The following HMCN1 variants were observed in gnomAD, a reference collection of about 807,000 sequenced individuals.
The protein encoded by HMCN1 is hemicentin 1.
Under a neutral mutation model 625.9 loss-of-function variants are expected in HMCN1, and 321 were observed. The observed-to-expected ratio is 0.51, with a 90% CI of 0.47 to 0.56. The LOEUF (loss-of-function observed/expected upper bound fraction) is 0.56. Ranked by LOEUF, HMCN1 falls within the 20% of genes least tolerant of loss-of-function variation. The pLI, the probability that HMCN1 is intolerant of heterozygous loss-of-function variation, is 0.00. For missense variants in HMCN1, 6,588 were observed against 6,887.3 expected (o/e 0.96, Z 1.54); for synonymous variants, 2,425 against 2,417.6 (o/e 1.00, Z -0.09).
Position 185,995,045 on chromosome 1 carries a change from A to G in HMCN1, c.3736A>G (p.Ile1246Val). 1 of 1,613,606 alleles carries G rather than the reference A, an allele frequency of 6.2e-7. No individual in the cohort carries two copies. Among genetic ancestry groups the G allele is most frequent in the Non-Finnish European group, 8.5e-7 (1 of 1,179,592 alleles). Residue 1246 changes from isoleucine (I) to valine (V), a missense_variant, in exon 24 of 107, where the codon ATA (isoleucine) becomes GTA (valine). By Grantham distance (29) the Ile-to-Val change is conservative. Around this residue, in one of 3 missense-constraint regions of HMCN1, gnomAD observed 4,628 missense variants for 4,853.1 expected, o/e 0.95. Transcript: ENST00000271588. ...CATATATACATGTGTTGCTACTAAC[A>G]TAGCAGGCACTGATGAAACAGAGAT... is the stretch of plus-strand genomic sequence containing the variant. The part of the protein sequence containing the change: ...AGIYTCVATN[I>V]AGTDETEITL...
At chr1:185,843,997 T>C (rs1366102674) in intron 1 of HMCN1, among the ~76,000 whole-genome samples, 1 of 152,228 alleles carries the variant, frequency 6.6e-6, no homozygotes, top group Non-Finnish European at 1.5e-5. Flanking sequence ...ACACTCTTTA[T>C]TATGATATAA....
chr1:185,896,409 A>G (rs1177003749), intron 4 of HMCN1, among the ~76,000 whole-genome samples: 1 of 125,648 alleles, frequency 8.0e-6, no homozygotes, highest in African/African-American at 4.4e-5. Context: ...AAGAACACAC[A>G]AAAACTCACG....
intron 100 of HMCN1, among the ~76,000 whole-genome samples, chr1:186,168,608 A>T (rs1183282962): frequency 8.5e-5 from 13 of 152,150 alleles, no homozygotes; most frequent in Admixed American, 8.5e-4. Flanking sequence ...GAAGAGCCCA[A>T]CTATGGTGAT....
Position 186,128,213 on chromosome 1 carries a change from C to G in HMCN1, c.12826C>G (p.Gln4276Glu). Reference sequence around the variant, plus strand: ...AGACGTGTCATTAAATAAAGGAGAACAGCTACGATTAAGCTGTAAAGCTAC... The same window carrying G: ...AGACGTGTCATTAAATAAAGGAGAAGAGCTACGATTAAGCTGTAAAGCTAC... ...PGDVSLNKGE[Q>E]LRLSCKATGI... is the part of the protein sequence containing the mutation. The change falls in exon 83 of 107, where the codon CAG becomes GAG. Residue 4276 changes from glutamine (Q) to glutamate (E), a missense_variant. This residue lies in a region of HMCN1 where 1,954 missense variants were observed against 2,013.1 expected (regional missense o/e 0.97). Coordinates refer to ENST00000271588, the MANE Select transcript of HMCN1 (RefSeq NM_031935.3). The G allele has an allele frequency of 6.2e-7, 1 of 1,613,640 alleles. No homozygotes were observed. The highest frequency in any genetic ancestry group is 8.5e-7 in the Non-Finnish European group (1 of 1,179,724).
chr1:186,070,107 G>A (rs1278265717), intron 51 of HMCN1, among the ~76,000 whole-genome samples: 3 of 152,206 alleles, frequency 2.0e-5, no homozygotes, highest in African/African-American at 7.2e-5. Context: ...AGATGCATAT[G>A]TTCTAATCAA....
chr1:185,872,150 A>G lies in HMCN1; in HGVS notation c.621+6287A>G, dbSNP rs554491153. ...TTCACCTGTGGAAAATGGAATGGAG[A>G]TGTTCAGAGCCGATTCCTTAAAATA... On this transcript the variant is annotated intron_variant, in intron 4 of 106. Coordinates refer to ENST00000271588, the MANE Select transcript of HMCN1 (RefSeq NM_031935.3). Among the ~76,000 whole-genome samples, 25 of 152,326 alleles carry G rather than the reference A, an allele frequency of 1.6e-4. No homozygotes were observed. In the South Asian group the frequency reaches 5.2e-3, roughly 32 times the overall value.
chr1:186,108,726 G>C, intron 71 of HMCN1, 129 bp downstream of exon 71: 1 of 1,081,298 alleles, frequency 9.2e-7, no homozygotes, highest in Non-Finnish European at 1.4e-6. Context: ...CATTGCAGCA[G>C]TAAGCACAGG....
rs541252323 is a variant in HMCN1, at chr1:185,860,036, TAGAG to T, written c.340-4431_340-4428del. ...TAGAAAACCGAACTGAAATATCAGA[TAGAG>T]AGCTTTTATAACAAGATAATACTGT... On this transcript the variant is annotated intron_variant, in intron 2 of 106. Coordinates refer to ENST00000271588, the MANE Select transcript of HMCN1 (RefSeq NM_031935.3). Among the ~76,000 whole-genome samples, 9 of 152,272 alleles carry T rather than the reference TAGAG, an allele frequency of 5.9e-5. No individual in the cohort carries two copies. The South Asian group carries it at 1.9e-3, about 32-fold the overall frequency.
In HMCN1 at chr1:186,117,420, G is replaced by C. The variant is rs551978011; in HGVS notation, c.11684-39G>C. The C allele has an allele frequency of 5.0e-6, 8 of 1,601,828 alleles. No individual in the cohort carries two copies. The South Asian group carries it at 7.7e-5, about 15-fold the overall frequency. Reference sequence around the variant, plus strand: ...TTGGAAATCTTTAAGGGCTGGAAATGTGTAGTTTTTTCCCTTTTTGTTGTT... The same window carrying C: ...TTGGAAATCTTTAAGGGCTGGAAATCTGTAGTTTTTTCCCTTTTTGTTGTT... On this transcript the variant is annotated intron_variant, in intron 76 of 106. Coordinates refer to ENST00000271588, the MANE Select transcript of HMCN1 (RefSeq NM_031935.3).
At chr1:185,903,282 C>A (rs1665917432) in intron 4 of HMCN1, among the ~76,000 whole-genome samples, 1 of 151,694 alleles carries the variant, frequency 6.6e-6, no homozygotes, top group Non-Finnish European at 1.5e-5. Context: ...GGAAGTTTTA[C>A]ATGAGTATTG....
In HMCN1 at chr1:185,891,502, C is replaced by G. The variant is rs989738353; in HGVS notation, c.622-17835C>G. On this transcript the variant is annotated intron_variant, in intron 4 of 106. Coordinates refer to ENST00000271588, the MANE Select transcript of HMCN1 (RefSeq NM_031935.3). ...CCTTCAGGAGCTCTTTTAGGGCAGG[C>G]CTGGTCGTGACAAAATCTCTCAGCA... Among the ~76,000 whole-genome samples, 314 of 147,402 alleles carry G rather than the reference C, an allele frequency of 2.1e-3. 20 individuals carry two copies. The highest frequency in any genetic ancestry group is 4.8e-3 in the African/African-American group (178 of 37,026).
At chr1:185,999,965 T>A in intron 25 of HMCN1, 80 bp from the exon 26 acceptor site, 1 of 1,000,156 alleles carries the variant, frequency 1.0e-6, no homozygotes. Flanking sequence ...ACAAAAACTT[T>A]ATTTCTCTTT....
Position 185,789,249 on chromosome 1 carries a change from A to G in HMCN1, c.268+54202A>G, listed in dbSNP as rs182643910. On this transcript the variant is annotated intron_variant, in intron 1 of 106. Coordinates refer to ENST00000271588, the MANE Select transcript of HMCN1 (RefSeq NM_031935.3). ...GGATTTTCTGTTAAGAGAAGGAACA[A>G]GGATGGAAGGGAGGTGGTGTGAGGA... 4.6e-5 allele frequency among the ~76,000 whole-genome samples: 7 copies of G among 152,258 alleles called. No homozygotes were observed. The East Asian group carries it at 1.4e-3, about 29-fold the overall frequency.
At chr1:185,738,709 T>C (rs778232855) in intron 1 of HMCN1, among the ~76,000 whole-genome samples, 9 of 152,210 alleles carry the variant, frequency 5.9e-5, no homozygotes, top group Non-Finnish European at 1.2e-4. Flanking sequence ...CTTTCCAACC[T>C]CCTCAATACA....
At chr1:186,074,992 C>T in intron 53 of HMCN1, 101 bp downstream of exon 53, 1 of 966,378 alleles carries the variant, frequency 1.0e-6, no homozygotes, top group Non-Finnish European at 1.6e-6. Context: ...TTTCTGTTGA[C>T]AATAATATAA....
rs1332139134 is a variant in HMCN1, at chr1:185,982,176, C to T, written c.2663-86C>T. ...GAAAACTCAAACTTTTATAGCATAA[C>T]TAACAGTCTTTGGGGCCTGTGAAGT... On this transcript the variant is annotated intron_variant, in intron 17 of 106. Coordinates refer to ENST00000271588, the MANE Select transcript of HMCN1 (RefSeq NM_031935.3). 2.3e-6 allele frequency: 3 copies of T among 1,297,498 alleles called. No individual in the cohort carries two copies. In the East Asian group the frequency reaches 6.9e-5, roughly 30 times the overall value. 80.4% of individuals were successfully genotyped at this position (1,297,498 alleles called of 1,614,324 possible). A position where few individuals can be genotyped will look rare whatever the true frequency, so the allele number is the denominator to read the frequency against.
intron 4 of HMCN1, among the ~76,000 whole-genome samples, chr1:185,907,687 TGCTGAAACACTTCAGCAATG>T (rs998899939): frequency 2.0e-5 from 3 of 152,096 alleles, no homozygotes; most frequent in Non-Finnish European, 4.4e-5. Flanking sequence ...GTGAAGCCAT[TGCTGAAACACTTCAGCAATG>T]GCTGAAACAA....
chr1:186,176,795 GAAACATA>G (rs60306012), intron 103 of HMCN1: 2 of 152,216 alleles, frequency 1.3e-5, no homozygotes, highest in East Asian at 1.9e-4. Flanking sequence ...AAAAGGAAAG[GAAACATA>G]AAACATAAAA....
intron 1 of HMCN1, among the ~76,000 whole-genome samples, chr1:185,777,505 G>T (rs1484595483): frequency 6.6e-6 from 1 of 151,860 alleles, no homozygotes; most frequent in Non-Finnish European, 1.5e-5. Context: ...AGGCTGGAGT[G>T]CAGTGGCACG....
Sources: gnomAD v4.1 joint callset for allele counts (sites outside exome capture counted in the v4.1 genomes callset) on GRCh38, gnomAD v4.1.1 for gene constraint, gnomAD v4.1.1 regional missense constraint, MANE v1.5 for transcripts, NCBI Gene and HGNC (gene_info 2026-07-23, HGNC 2026-07-21) for gene names.